Variants in SPINT2 observed in about 807,000 individuals in gnomAD.
SPINT2 encodes serine peptidase inhibitor, Kunitz type 2, also known as kunitz-type protease inhibitor 2.
Under a neutral mutation model 30.1 loss-of-function variants are expected in SPINT2, and 18 were observed. The ratio of observed to expected loss-of-function variants is 0.60; its 90% CI spans 0.41 to 0.89. The LOEUF (loss-of-function observed/expected upper bound fraction) is 0.89, where lower values mean the gene tolerates loss of function less well. Among genes scored for constraint, SPINT2 ranks in the 40% least tolerant of loss-of-function variants. The pLI is 0.00. For missense variants in SPINT2, 276 were observed against 334.3 expected (o/e 0.83, Z 1.36); for synonymous variants, 139 against 137.9 (o/e 1.01, Z -0.05).
At chr19:38,284,282 C>T (rs544332126) in intron 2 of SPINT2, among the ~76,000 whole-genome samples, 29 of 151,940 alleles carry the variant, frequency 1.9e-4, no homozygotes, top group Non-Finnish European at 3.5e-4. Context: ...TTTATAGAGG[C>T]GGGGGTCTCC....
chr19:38,289,513 A>AAAAAAAT (rs1968688044), intron 4 of SPINT2: 1 of 226,010 alleles, frequency 4.4e-6, no homozygotes, highest in Non-Finnish European at 8.7e-6. Flanking sequence ...AAAAAAAAAA[A>AAAAAAAT]CTCCGAAGAA....
At chr19:38,267,640 G>A (rs1968395345) in intron 1 of SPINT2, among the ~76,000 whole-genome samples, 1 of 146,668 alleles carries the variant, frequency 6.8e-6, no homozygotes, top group South Asian at 2.4e-4. Context: ...GTGTGACCCT[G>A]AGAGGAAGCG....
At position 38,283,723 on chromosome 19, in the gene SPINT2, A is replaced by G; in HGVS notation, c.203A>G (p.Tyr68Cys). ...VTDGSCQLFVYGGCDGNSNNY... is the reference protein window; with the variant it reads ...VTDGSCQLFVCGGCDGNSNNY... ...GACGGATCCTGCCAGCTGTTTGTGT[A>G]TGGGGGCTGTGACGGAAACAGCAAT... The change falls in exon 2 of 7, where the codon TAT becomes TGT. Residue 68 changes from tyrosine (Y) to cysteine (C), a missense_variant. Transcript: ENST00000301244. 4.4e-6 allele frequency: 7 copies of G among 1,601,870 alleles called. No homozygotes were observed. Among genetic ancestry groups the G allele is most frequent in the Non-Finnish European group, 6.0e-6 (7 of 1,172,624 alleles).
intron 1 of SPINT2, among the ~76,000 whole-genome samples, chr19:38,276,073 A>G (rs1429162334): frequency 6.6e-6 from 1 of 152,142 alleles, no homozygotes; most frequent in Non-Finnish European, 1.5e-5. Context: ...TTTCCCACTG[A>G]TTATGAGATT....
chr19:38,291,972 A>G lies in SPINT2; in HGVS notation c.725A>G (p.Lys242Arg), dbSNP rs765987950. 2.5e-6 allele frequency: 4 copies of G among 1,614,136 alleles called. No homozygotes were observed. The highest frequency in any genetic ancestry group is 1.7e-5 in the Admixed American group (1 of 60,012). ...ACCGTCTGGAGCTCCGGAGATGACAAGGAGCAGCTGGTGAAGAACACATAT... is the reference window on the plus strand; with the variant it reads ...ACCGTCTGGAGCTCCGGAGATGACAGGGAGCAGCTGGTGAAGAACACATAT... Reference protein sequence around the residue: ...LRTVWSSGDDKEQLVKNTYVL With the variant: ...LRTVWSSGDDREQLVKNTYVL Residue 242 changes from lysine (K) to arginine (R), a missense_variant, in exon 7 of 7, where the codon AAG becomes AGG. Lys to Arg is a conservative substitution (Grantham distance 26). Transcript: ENST00000301244.
At chr19:38,267,032 G>C (rs1039995268) in intron 1 of SPINT2, among the ~76,000 whole-genome samples, 1 of 152,142 alleles carries the variant, frequency 6.6e-6, no homozygotes, top group Non-Finnish European at 1.5e-5. Context: ...AAACAGCCGG[G>C]TGCGGTGGTG....
At chr19:38,273,917 A>G (rs1393632921) in intron 1 of SPINT2, among the ~76,000 whole-genome samples, 1 of 152,144 alleles carries the variant, frequency 6.6e-6, no homozygotes, top group East Asian at 1.9e-4. Context: ...GTAAAGATAC[A>G]ATATCTACTA....
chr19:38,290,795 C>T lies in SPINT2; in HGVS notation c.592+220C>T, dbSNP rs1600353086. The stretch of plus-strand genomic sequence containing the variant: ...AGTCAGTCACAAGGCAGGCCCTGCC[C>T]AGGCGGCGTGGGTGACTGGGGATGA... On this transcript the variant is annotated intron_variant, in intron 6 of 6. Transcript: ENST00000301244. This position sits in a 1 kb window ranked among gnomAD's most constrained non-coding sequence, Gnocchi z 4.3. The T allele has an allele frequency of 3.0e-6, 2 of 669,772 alleles. No homozygotes were observed. The highest frequency in any genetic ancestry group is 5.2e-6 in the Non-Finnish European group (2 of 382,848). 41.5% of individuals were successfully genotyped at this position (669,772 alleles called of 1,614,324 possible).
rs58140440 is a variant in SPINT2, at chr19:38,289,484, CAAAAAAAAAAAA to C, written c.391+311_391+322del. On this transcript the variant is annotated intron_variant, in intron 4 of 6. Coordinates refer to ENST00000301244, the MANE Select transcript of SPINT2 (RefSeq NM_021102.4). ...TGGGCAACAGAGTGAGACTCTGTCT[CAAAAAAAAAAAA>C]AAAAAAAAAAAAAAAAACTCCGAAG... 43 of 36,078 alleles carry C rather than the reference CAAAAAAAAAAAA, an allele frequency of 1.2e-3. 1 individual carries two copies. The highest frequency in any genetic ancestry group is 7.1e-3 in the South Asian group (9 of 1,276). 2.2% of individuals were successfully genotyped at this position (36,078 alleles called of 1,614,324 possible).
chr19:38,284,960 C>T (rs1199239013), intron 2 of SPINT2, among the ~76,000 whole-genome samples: 1 of 152,068 alleles, frequency 6.6e-6, no homozygotes, highest in African/African-American at 2.4e-5. Flanking sequence ...AGGTGATCTG[C>T]CTGCCTTAAC....
At chr19:38,281,073 A>T (rs983933462) in intron 1 of SPINT2, among the ~76,000 whole-genome samples, 1 of 151,908 alleles carries the variant, frequency 6.6e-6, no homozygotes, top group Non-Finnish European at 1.5e-5. Context: ...GGTCCTCTTC[A>T]TCTCGTCTTG....
chr19:38,268,577 G>A (rs138378968), intron 1 of SPINT2, among the ~76,000 whole-genome samples: 157 of 152,312 alleles, frequency 1.0e-3, no homozygotes, highest in African/African-American at 3.7e-3. Context: ...CAGGAGATAT[G>A]CCATTCCCTA....
rs1968353012 is a variant in SPINT2, at chr19:38,264,596, C to G, written c.-297C>G. ...TCGCCATTGGCTCTGGCGACCTCCG[C>G]GCGTTGGGAGGTGTAGCGCGGCTCT... On this transcript the variant is annotated 5_prime_UTR_variant, in exon 1 of 7. Coordinates refer to ENST00000301244, the MANE Select transcript of SPINT2 (RefSeq NM_021102.4). The G allele has an allele frequency of 2.9e-6, 1 of 342,848 alleles. No homozygotes were observed. Among genetic ancestry groups the G allele is most frequent in the African/African-American group, 2.2e-5 (1 of 45,830 alleles). 21.2% of individuals were successfully genotyped at this position (342,848 alleles called of 1,614,324 possible). A position where few individuals can be genotyped will look rare whatever the true frequency, so the allele number is the denominator to read the frequency against.
chr19:38,288,126 C>T, intron 3 of SPINT2, 191 bp downstream of exon 3: 3 of 663,404 alleles, frequency 4.5e-6, no homozygotes, highest in Non-Finnish European at 8.1e-6. Flanking sequence ...TTATACTGTC[C>T]AGCTGACACA....
Position 38,292,117 on chromosome 19 carries a change from C to T in SPINT2, c.*111C>T. The T allele has an allele frequency of 2.7e-6, 4 of 1,459,392 alleles. No homozygotes were observed. The highest frequency in any genetic ancestry group is 4.9e-5 in the East Asian group (2 of 40,652). The allele number at this position is 1,459,392 out of a possible 1,614,324, so 90.4% of individuals were successfully genotyped here. ...TGATCATTAGGGCTGAGGTCTGTTT[C>T]TCTGGGAGGTAGGACGGCTGCTTCC... On this transcript the variant is annotated 3_prime_UTR_variant, in exon 7 of 7. Coordinates refer to ENST00000301244, the MANE Select transcript of SPINT2 (RefSeq NM_021102.4).
Position 38,290,066 on chromosome 19 carries a change from C to T in SPINT2, c.392-53C>T, listed in dbSNP as rs1968696755. On this transcript the variant is annotated intron_variant, in intron 4 of 6. Transcript: ENST00000301244. This position sits in a 1 kb window ranked among gnomAD's most constrained non-coding sequence, Gnocchi z 4.3. ...TCCTCAGGCACTTTCTGGCTTGCTT[C>T]CCCTCCTTGCGGGCCCTACTAATTT... The T allele has an allele frequency of 1.9e-6, 3 of 1,606,808 alleles. No homozygotes were observed. The highest frequency in any genetic ancestry group is 1.7e-6 in the Non-Finnish European group (2 of 1,175,604).
chr19:38,285,215 G>T (rs1033939297), intron 2 of SPINT2, among the ~76,000 whole-genome samples: 3 of 152,116 alleles, frequency 2.0e-5, no homozygotes, highest in Non-Finnish European at 2.9e-5. Context: ...TCCCAGCAGC[G>T]TGCCCTGGCT....
chr19:38,284,295 A>T (rs540476350), intron 2 of SPINT2, among the ~76,000 whole-genome samples: 7 of 151,222 alleles, frequency 4.6e-5, no homozygotes, highest in Non-Finnish European at 1.0e-4. Flanking sequence ...GGGTCTCCCT[A>T]TGTTACCCAG....
intron 2 of SPINT2, among the ~76,000 whole-genome samples, chr19:38,284,912 C>T (rs898607075): frequency 2.0e-5 from 3 of 151,962 alleles, no homozygotes; most frequent in East Asian, 1.9e-4. Context: ...GATGGGGTTT[C>T]GCTATGTTGG....
Sources: gnomAD v4.1 joint callset for allele counts (sites outside exome capture counted in the v4.1 genomes callset) on GRCh38, gnomAD v4.1.1 for gene constraint, Gnocchi (gnomAD v3.1) non-coding constraint, MANE v1.5 for transcripts, NCBI Gene and HGNC (gene_info 2026-07-23, HGNC 2026-07-21) for gene names.